Variants in PDE4D observed in about 807,000 individuals in gnomAD.
PDE4D encodes the protein 3',5'-cyclic-AMP phosphodiesterase 4D.
Under a neutral mutation model 87.4 loss-of-function variants are expected in PDE4D, and 24 were observed. The observed-to-expected ratio is 0.27, with a 90% CI of 0.20 to 0.39. PDE4D has a LOEUF of 0.39. Among genes scored for constraint, PDE4D ranks in the 10% least tolerant of loss-of-function variants. The pLI, the probability that PDE4D is intolerant of heterozygous loss-of-function variation, is 1.00. For missense variants in PDE4D, 714 were observed against 1,041.0 expected, an observed-to-expected ratio of 0.69 and a Z score of 4.32; for synonymous variants, 384 against 383.2, an observed-to-expected ratio of 1.00 and a Z score of -0.02.
intron 2 of PDE4D, among the ~76,000 whole-genome samples, chr5:60,055,153 A>G (rs1770638905): frequency 6.6e-6 from 1 of 152,158 alleles, no homozygotes; most frequent in South Asian, 2.1e-4. Flanking sequence ...ACCAGGGACC[A>G]GACAATATAT....
At chr5:60,053,989 C>T (rs531100027) in intron 2 of PDE4D, among the ~76,000 whole-genome samples, 1 of 152,258 alleles carries the variant, frequency 6.6e-6, no homozygotes, top group African/African-American at 2.4e-5. Flanking sequence ...AATGAGATAC[C>T]ATCTCATGCC....
rs1361985805 is a variant in PDE4D at position 58,993,227 on chromosome 5, C to G, written c.1015+145G>C. The G allele has an allele frequency of 5.7e-6, 3 of 523,578 alleles. No individual in the cohort carries two copies. The East Asian group carries it at 9.8e-5, about 17-fold the overall frequency. 32.4% of individuals were successfully genotyped at this position (523,578 alleles called of 1,614,324 possible). On this transcript the variant is annotated intron_variant, in intron 7 of 14. Coordinates refer to ENST00000340635, the MANE Select transcript of PDE4D (RefSeq NM_001104631.2). ...TCTAAAACTCAGAGGCGGATAGTGT[C>G]GAATTATTAATATGACGAATGAAAA...
At chr5:59,322,003 T>C (rs27169) in intron 1 of PDE4D, among the ~76,000 whole-genome samples, 3 of 152,158 alleles carry the variant, frequency 2.0e-5, no homozygotes, top group African/African-American at 4.8e-5. Flanking sequence ...TTTTGCTACA[T>C]AGCAATTAGA....
At chr5:59,666,043 C>T (rs1318542525) in intron 1 of PDE4D, among the ~76,000 whole-genome samples, 1 of 152,202 alleles carries the variant, frequency 6.6e-6, no homozygotes, top group Non-Finnish European at 1.5e-5. Flanking sequence ...TCACTGCAAG[C>T]TCTGCCTCCT....
intron 1 of PDE4D, among the ~76,000 whole-genome samples, chr5:59,622,367 T>C (rs901059374): frequency 6.6e-6 from 1 of 152,200 alleles, no homozygotes; most frequent in Non-Finnish European, 1.5e-5. Flanking sequence ...ATGCCAGAGT[T>C]ATTACAGCAT....
chr5:59,640,162 A>G (rs1021136644), intron 1 of PDE4D, among the ~76,000 whole-genome samples: 6 of 152,156 alleles, frequency 3.9e-5, no homozygotes, highest in African/African-American at 1.4e-4. Flanking sequence ...TTACACAGGC[A>G]TAAGATATTT....
intron 2 of PDE4D, among the ~76,000 whole-genome samples, chr5:59,210,962 A>G (rs1749940610): frequency 6.6e-6 from 1 of 152,134 alleles, no homozygotes; most frequent in South Asian, 2.1e-4. Context: ...TGTGTTTCCA[A>G]ATACAGATAC....
At chr5:60,229,741 C>A (rs1216101873) in intron 1 of PDE4D, among the ~76,000 whole-genome samples, 2 of 152,092 alleles carry the variant, frequency 1.3e-5, no homozygotes, top group African/African-American at 4.8e-5. Flanking sequence ...CAATCAGTTT[C>A]TTTGAACAAT....
intron 1 of PDE4D, among the ~76,000 whole-genome samples, chr5:59,729,466 C>T (rs1757067181): frequency 6.6e-6 from 1 of 152,016 alleles, no homozygotes; most frequent in Non-Finnish European, 1.5e-5. Context: ...AGGATAAATG[C>T]AGAGTATAGG....
At chr5:60,328,466 A>G (rs1757006334) in intron 1 of PDE4D, among the ~76,000 whole-genome samples, 1 of 152,172 alleles carries the variant, frequency 6.6e-6, no homozygotes, top group Non-Finnish European at 1.5e-5. Flanking sequence ...ATATTCATCT[A>G]TATTGTTGCC....
At chr5:59,494,233 A>G (rs1047367456) in intron 1 of PDE4D, among the ~76,000 whole-genome samples, 1 of 152,200 alleles carries the variant, frequency 6.6e-6, no homozygotes, top group African/African-American at 2.4e-5. Flanking sequence ...TCCACTTGTG[A>G]ATTTGCAATG....
At chr5:59,677,982 A>ATG (rs1748390370) in intron 1 of PDE4D, among the ~76,000 whole-genome samples, 1 of 152,230 alleles carries the variant, frequency 6.6e-6, no homozygotes, top group African/African-American at 2.4e-5. Flanking sequence ...TTCAAGTGCT[A>ATG]TTAAGCACAT....
intron 1 of PDE4D, among the ~76,000 whole-genome samples, chr5:59,605,543 AC>A (rs1200487757): frequency 3.8e-4 from 58 of 152,206 alleles, no homozygotes; most frequent in Admixed American, 6.5e-5. Context: ...TGTAGAAAGC[AC>A]CGTTATTATA....
chr5:59,597,669 T>A (rs909024019), intron 1 of PDE4D, among the ~76,000 whole-genome samples: 2 of 152,176 alleles, frequency 1.3e-5, no homozygotes, highest in African/African-American at 4.8e-5. Flanking sequence ...AAATAATCAT[T>A]TGAAAGCTTA....
chr5:59,193,647 G>C, intron 2 of PDE4D, 111 bp from the exon 3 acceptor site: 1 of 1,528,034 alleles, frequency 6.5e-7, no homozygotes, highest in African/African-American at 1.4e-5. Flanking sequence ...GAGAATTACA[G>C]TGATTCCATC....
chr5:59,069,303 T>C (rs967368972), intron 5 of PDE4D, among the ~76,000 whole-genome samples: 1 of 152,198 alleles, frequency 6.6e-6, no homozygotes, highest in Admixed American at 6.5e-5. Context: ...CTTCACAGCA[T>C]TGAACAAAAG....
intron 6 of PDE4D, among the ~76,000 whole-genome samples, chr5:59,032,385 T>A (rs1346557505): frequency 6.6e-6 from 1 of 152,112 alleles, no homozygotes; most frequent in Non-Finnish European, 1.5e-5. Flanking sequence ...ATCGAGACCA[T>A]CCTGGCCAAC....
chr5:60,256,091 T>C (rs1283942402), intron 1 of PDE4D, among the ~76,000 whole-genome samples: 2 of 151,906 alleles, frequency 1.3e-5, no homozygotes, highest in African/African-American at 4.8e-5. Context: ...AATTCCTCCA[T>C]GTATCTTTAC....
chr5:59,050,142 C>T (rs1292400720), intron 5 of PDE4D, among the ~76,000 whole-genome samples: 1 of 152,148 alleles, frequency 6.6e-6, no homozygotes, highest in African/African-American at 2.4e-5. Flanking sequence ...TGGCGGGTGC[C>T]TGTAATCCCA....
Sources: allele counts gnomAD v4.1 joint callset (sites outside exome capture counted in the v4.1 genomes callset), GRCh38; gene constraint gnomAD v4.1.1; transcripts MANE v1.5; gene names NCBI Gene and HGNC (gene_info 2026-07-23, HGNC 2026-07-21).